Variants in NDEL1 observed in about 807,000 individuals in gnomAD.
NDEL1 encodes the protein nuclear distribution protein nudE-like 1.
In NDEL1, 9 loss-of-function variants were observed where a neutral mutation model predicts 45.7. That is an observed-to-expected ratio of 0.20 (90% CI 0.12 to 0.34). The LOEUF (loss-of-function observed/expected upper bound fraction) is 0.34, where lower values mean the gene tolerates loss of function less well. NDEL1 is among the 10% of genes least tolerant of loss of function. The pLI, the probability that NDEL1 is intolerant of heterozygous loss-of-function variation, is 1.00. For synonymous variants in NDEL1, 133 were observed against 158.6 expected (o/e 0.84, Z 1.21); for missense variants, 306 against 406.2 (o/e 0.75, Z 2.12).
intron 1 of NDEL1, among the ~76,000 whole-genome samples, chr17:8,417,539 G>C (rs1908581626): frequency 6.6e-6 from 1 of 152,186 alleles, no homozygotes; most frequent in Non-Finnish European, 1.5e-5. Context: ...AAGGGTGTTT[G>C]GGTCTGTGTC....
chr17:8,417,362 G>A (rs1449348407), intron 1 of NDEL1, among the ~76,000 whole-genome samples: 1 of 152,112 alleles, frequency 6.6e-6, no homozygotes, highest in Admixed American at 6.6e-5. Context: ...GCCACTGTGC[G>A]CAGCCTCTTT....
intron 1 of NDEL1, among the ~76,000 whole-genome samples, chr17:8,427,459 G>C (rs1405070089): frequency 6.6e-6 from 1 of 152,166 alleles, no homozygotes; most frequent in African/African-American, 2.4e-5. Flanking sequence ...CCAGGACTTT[G>C]GGAGGCCGAG....
At chr17:8,451,515 G>A (rs12952400) in intron 6 of NDEL1, among the ~76,000 whole-genome samples, 77,307 of 151,952 alleles carry the variant, frequency 0.51, 20,614 homozygotes, top group Middle Eastern at 0.62. Context: ...TGTAAGACCG[G>A]CTTGGATGGA....
At chr17:8,447,983 G>C (rs1040172374) in intron 4 of NDEL1, among the ~76,000 whole-genome samples, 1 of 18,174 alleles carries the variant, frequency 5.5e-5, no homozygotes, top group African/African-American at 2.4e-4. Context: ...GGAGGTGGGC[G>C]GGGGGGGGGC....
At chr17:8,434,903 C>T (rs180798491), upstream of NDEL1, among the ~76,000 whole-genome samples, 486 of 152,206 alleles carry the variant, frequency 3.2e-3, 2 homozygotes, top group African/African-American at 0.011. Flanking sequence ...AACCCCGTCT[C>T]TACTAAAAAT....
intron 4 of NDEL1, among the ~76,000 whole-genome samples, chr17:8,447,671 C>T (rs1233820974): frequency 6.6e-6 from 1 of 152,130 alleles, no homozygotes; most frequent in Non-Finnish European, 1.5e-5. Flanking sequence ...TTCTGAACAA[C>T]GTGCAGTGGC....
Position 8,466,888 on chromosome 17 carries a change from G to A in NDEL1, c.945-42G>A, listed in dbSNP as rs111386815. On this transcript the variant is annotated intron_variant, in intron 8 of 8. Coordinates refer to ENST00000334527, the MANE Select transcript of NDEL1 (RefSeq NM_030808.5). ...GTGAGTGATTTTAAATGAGTTTTTC[G>A]TTTCCCCTTTCTTCCCTTCTGTGCT... 355 of 1,569,706 alleles carry A rather than the reference G, an allele frequency of 2.3e-4. No homozygotes were observed. In the African/African-American group the frequency reaches 3.3e-3, roughly 14 times the overall value.
chr17:8,428,513 T>C lies in NDEL1; in HGVS notation c.-13+15244T>C, dbSNP rs916501983. Among the ~76,000 whole-genome samples, 25 of 150,938 alleles carry C rather than the reference T, an allele frequency of 1.7e-4. 1 individual carries two copies. The highest frequency in any genetic ancestry group is 4.6e-4 in the Admixed American group (7 of 15,150). ...CCGAGTAGCTGGGATTACAGGCATG[T>C]GCCACCACACCCGGCTACTTTTTGT... On this transcript the variant is annotated intron_variant, in intron 1 of 4. Coordinates refer to the NDEL1 transcript ENST00000582812.
chr17:8,444,474 A>G, intron 2 of NDEL1, 117 bp downstream of exon 2: 1 of 682,024 alleles, frequency 1.5e-6, no homozygotes. Flanking sequence ...TTAGGATTCT[A>G]GGATTGAGAT....
At chr17:8,428,831 GC>G (rs1222376957) in intron 1 of NDEL1, among the ~76,000 whole-genome samples, 2 of 151,384 alleles carry the variant, frequency 1.3e-5, no homozygotes, top group Admixed American at 1.3e-4. Context: ...CTGCCACCAC[GC>G]CCGGCTAATT....
chr17:8,439,325 C>T (rs1216772270), intron 1 of NDEL1, among the ~76,000 whole-genome samples: 1 of 151,766 alleles, frequency 6.6e-6, no homozygotes, highest in Non-Finnish European at 1.5e-5. Context: ...ACTGCAACCT[C>T]CTCCTCCCGG....
chr17:8,435,795 G>GCCCCCCC, upstream of NDEL1: 2 of 349,888 alleles, frequency 5.7e-6, no homozygotes, highest in Non-Finnish European at 1.1e-5. Context: ...CACCAGCCCC[G>GCCCCCCC]CCCCACCCCG....
At chr17:8,443,481 A>G (rs1201786503) in intron 1 of NDEL1, among the ~76,000 whole-genome samples, 2 of 152,192 alleles carry the variant, frequency 1.3e-5, no homozygotes, top group African/African-American at 4.8e-5. Context: ...GTGTTAAGAC[A>G]GTTTCGAACA....
chr17:8,457,745 A>G (rs2151733714), intron 7 of NDEL1, among the ~76,000 whole-genome samples: 1 of 152,138 alleles, frequency 6.6e-6, no homozygotes, highest in South Asian at 2.1e-4. Flanking sequence ...AAAAGTGCAA[A>G]TTCCTGTCCG....
At chr17:8,441,684 T>G (rs558419075) in intron 1 of NDEL1, among the ~76,000 whole-genome samples, 2 of 152,208 alleles carry the variant, frequency 1.3e-5, no homozygotes, top group East Asian at 3.8e-4. Context: ...TTCTCACTTG[T>G]GCTCTATGCT....
At chr17:8,449,939 C>G (rs1260160826) in intron 5 of NDEL1, among the ~76,000 whole-genome samples, 1 of 152,160 alleles carries the variant, frequency 6.6e-6, no homozygotes, top group African/African-American at 2.4e-5. Flanking sequence ...AGCAAATATT[C>G]TGTAAGTTAA....
chr17:8,435,324 G>C (rs1276008135), upstream of NDEL1, among the ~76,000 whole-genome samples: 1 of 152,132 alleles, frequency 6.6e-6, no homozygotes, highest in Non-Finnish European at 1.5e-5. Context: ...ACTTTGCCTA[G>C]AACCAAGTTA....
At chr17:8,459,194 G>T (rs1291443313) in intron 7 of NDEL1, among the ~76,000 whole-genome samples, 1 of 152,078 alleles carries the variant, frequency 6.6e-6, no homozygotes, top group African/African-American at 2.4e-5. Flanking sequence ...TATATATTTT[G>T]CCATGGATAG....
intron 1 of NDEL1, chr17:8,413,355 T>C (rs1454286981): frequency 6.6e-6 from 1 of 152,388 alleles, no homozygotes; most frequent in African/African-American, 2.4e-5. Context: ...GGGCTCCTGA[T>C]GTCTGAGGAC....
Sources: allele counts gnomAD v4.1 joint callset (sites outside exome capture counted in the v4.1 genomes callset), GRCh38; gene constraint gnomAD v4.1.1; transcripts MANE v1.5; gene names NCBI Gene and HGNC (gene_info 2026-07-23, HGNC 2026-07-21).